DIDO1: variants seen among roughly 807,000 people sequenced by gnomAD.
DIDO1 encodes the protein death inducer-obliterator 1.
Under a neutral mutation model 99.4 loss-of-function variants are expected in DIDO1, and 16 were observed. That is an observed-to-expected ratio of 0.16 (90% CI 0.11 to 0.24). The LOEUF (loss-of-function observed/expected upper bound fraction) is 0.24, where lower values mean the gene tolerates loss of function less well. DIDO1 is among the 10% of genes least tolerant of loss of function. The pLI is 1.00. For synonymous variants in DIDO1, 1,366 were observed against 1,239.1 expected, an observed-to-expected ratio of 1.10 and a Z score of -2.15; for missense variants, 2,996 against 3,014.0, an observed-to-expected ratio of 0.99 and a Z score of 0.14.
At chr20:62,906,507 G>A (rs2064808392) in intron 5 of DIDO1, among the ~76,000 whole-genome samples, 1 of 152,162 alleles carries the variant, frequency 6.6e-6, no homozygotes, top group African/African-American at 2.4e-5. Context: ...CAACGCCGAG[G>A]GTTCAAAAGG....
chr20:62,903,030 G>A (rs1339572570), intron 6 of DIDO1, among the ~76,000 whole-genome samples: 1 of 152,026 alleles, frequency 6.6e-6, no homozygotes, highest in Non-Finnish European at 1.5e-5. Context: ...ATAATGGGAG[G>A]TGAACAGTGG....
At position 62,894,313 on chromosome 20, in the gene DIDO1, G is replaced by C. The variant is rs2064467147; in HGVS notation, c.2572+100C>G. 9 of 1,579,364 alleles carry C rather than the reference G, an allele frequency of 5.7e-6. No homozygotes were observed. Among genetic ancestry groups the C allele is most frequent in the Non-Finnish European group, 7.7e-6 (9 of 1,163,154 alleles). The stretch of plus-strand genomic sequence containing the variant: ...GGAAATCATTCTGGCCCTTCTGCGT[G>C]TTTAAGCTTACGTGCGGTTGCTTTT... On this transcript the variant is annotated intron_variant, in intron 11 of 15. Coordinates refer to ENST00000395343, the MANE Select transcript of DIDO1 (RefSeq NM_001193369.2). This position sits in a 1 kb window ranked among gnomAD's most constrained non-coding sequence, Gnocchi z 4.4.
In DIDO1 at chr20:62,892,931, C is replaced by A; in HGVS notation, c.3133G>T (p.Asp1045Tyr). 6.2e-7 allele frequency: 1 copy of A among 1,613,774 alleles called. No homozygotes were observed. The highest frequency in any genetic ancestry group is 1.7e-5 in the Admixed American group (1 of 60,012). ...AGTCGAGACAAAAAGAGGGTCGTGTCTCCCTCTGGAGGGGAACGTGATTCT... is the reference window on the plus strand; with the variant it reads ...AGTCGAGACAAAAAGAGGGTCGTGTATCCCTCTGGAGGGGAACGTGATTCT... ...TSESRSPPEG[D>Y]TTLFLSRLST... Residue 1045 changes from aspartate to tyrosine, a missense_variant, in exon 13 of 16, where the codon GAC becomes TAC. Transcript: ENST00000395343.
At chr20:62,927,961 A>G (rs2147600856), upstream of DIDO1, among the ~76,000 whole-genome samples, 1 of 152,266 alleles carries the variant, frequency 6.6e-6, no homozygotes, top group African/African-American at 2.4e-5. Context: ...GACGGGGTTG[A>G]GACCACCTTT....
chr20:62,924,139 A>T (rs977317460), intron 1 of DIDO1, among the ~76,000 whole-genome samples: 1 of 152,226 alleles, frequency 6.6e-6, no homozygotes, highest in Non-Finnish European at 1.5e-5. Flanking sequence ...TTTGTAATGC[A>T]ATTAACACAC....
At position 62,911,752 on chromosome 20, in the gene DIDO1, T is replaced by TTA. The variant is rs2064948047; in HGVS notation, c.-2-139_-2-138insTA. 5 of 677,968 alleles carry TTA rather than the reference T, an allele frequency of 7.4e-6. No homozygotes were observed. The highest frequency in any genetic ancestry group is 3.4e-5 in the Admixed American group (1 of 29,038). 42.0% of individuals were successfully genotyped at this position (677,968 alleles called of 1,614,324 possible). A position where few individuals can be genotyped will look rare whatever the true frequency, so the allele number is the denominator to read the frequency against. Reference sequence around the variant, plus strand: ...TAAAGCAAGTCCTTCTGACCAGTGTTTCCTAATGTGTGCTATGTGAGATGA... The same window carrying TTA: ...TAAAGCAAGTCCTTCTGACCAGTGTTTATCCTAATGTGTGCTATGTGAGATGA... On this transcript the variant is annotated intron_variant, in intron 2 of 15. Coordinates refer to ENST00000395343, the MANE Select transcript of DIDO1 (RefSeq NM_001193369.2). This position sits in a 1 kb window ranked among gnomAD's most constrained non-coding sequence, Gnocchi z 7.0.
intron 1 of DIDO1, among the ~76,000 whole-genome samples, chr20:62,921,989 AATAT>A (rs1163282910): frequency 1.3e-5 from 2 of 150,372 alleles, no homozygotes; most frequent in Admixed American, 6.7e-5. Flanking sequence ...ATATGTCCAC[AATAT>A]ATATACACTA....
intron 6 of DIDO1, among the ~76,000 whole-genome samples, chr20:62,900,047 A>G (rs1284622131): frequency 6.6e-6 from 1 of 152,234 alleles, no homozygotes; most frequent in East Asian, 1.9e-4. Flanking sequence ...CAGGCAACCC[A>G]GGAAAAAACC....
chr20:62,884,289 T>C (rs970824677), intron 15 of DIDO1, among the ~76,000 whole-genome samples: 1 of 152,092 alleles, frequency 6.6e-6, no homozygotes, highest in Non-Finnish European at 1.5e-5. Context: ...GTAACGACCA[T>C]CCCCACACTC....
At chr20:62,912,986 C>T (rs1284891847) in intron 2 of DIDO1, among the ~76,000 whole-genome samples, 4 of 152,060 alleles carry the variant, frequency 2.6e-5, no homozygotes, top group African/African-American at 2.4e-5. Flanking sequence ...AAGCCGAGAT[C>T]GCACCACTGC....
chr20:62,893,560 T>C, intron 12 of DIDO1, 106 bp downstream of exon 12: 1 of 1,333,470 alleles, frequency 7.5e-7, no homozygotes, highest in Admixed American at 2.6e-5. Flanking sequence ...TGAAGCTGTA[T>C]TTCAGGTTAC....
chr20:62,926,726 G>C (rs917980313), upstream of DIDO1, among the ~76,000 whole-genome samples: 5 of 152,252 alleles, frequency 3.3e-5, no homozygotes, highest in Non-Finnish European at 5.9e-5. Context: ...GACTCCAAGA[G>C]TGAAAGCTGG....
At chr20:62,923,620 G>A (rs937405834) in intron 1 of DIDO1, among the ~76,000 whole-genome samples, 1 of 152,204 alleles carries the variant, frequency 6.6e-6, no homozygotes, top group African/African-American at 2.4e-5. Flanking sequence ...CAGCTGTAAC[G>A]TGGAGCTTTT....
intron 15 of DIDO1, chr20:62,887,308 ACT>A (rs1321647395): frequency 3.0e-6 from 3 of 985,484 alleles, no homozygotes; most frequent in Admixed American, 6.1e-5. Flanking sequence ...ATGCAAAGCT[ACT>A]GTTACATACA....
chr20:62,922,092 T>C (rs974284635), intron 1 of DIDO1, among the ~76,000 whole-genome samples: 1 of 88,612 alleles, frequency 1.1e-5, no homozygotes, highest in Non-Finnish European at 2.4e-5. Flanking sequence ...ACACACTATA[T>C]ATACACACTA....
rs780447420 is a variant in DIDO1, at chr20:62,890,967, C to T, written c.3534G>A (p.Glu1178=). The change falls in exon 15 of 16, where the codon GAG becomes GAA. Residue 1178 remains glutamate (E), a synonymous_variant. Coordinates refer to ENST00000395343, the MANE Select transcript of DIDO1 (RefSeq NM_001193369.2). ...DPVPSKLLPF[E]GPGLESPRPN... Reference sequence around the variant, plus strand: ...CAGAAAGCCGGCGCTTACCTGGTCCCTCAAAGGGCAAGAGTTTGGATGGAA... The same window carrying T: ...CAGAAAGCCGGCGCTTACCTGGTCCTTCAAAGGGCAAGAGTTTGGATGGAA... The T allele has an allele frequency of 6.2e-7, 1 of 1,613,996 alleles. No homozygotes were observed. Among genetic ancestry groups the T allele is most frequent in the South Asian group, 1.1e-5 (1 of 91,074 alleles).
Position 62,894,496 on chromosome 20 carries a change from A to C in DIDO1, c.2489T>G (p.Leu830Arg). 6.2e-7 allele frequency: 1 copy of C among 1,613,430 alleles called. No individual in the cohort carries two copies. Among genetic ancestry groups the C allele is most frequent in the Non-Finnish European group, 8.5e-7 (1 of 1,180,028 alleles). The change falls in exon 11 of 16, where the codon CTC (leucine) becomes CGC (arginine). Residue 830 changes from leucine (L) to arginine (R), a missense_variant. Transcript: ENST00000395343. The surrounding 1 kb of genome is among the most constrained non-coding windows in gnomAD (Gnocchi z 4.4). ...AVPEKSTAPL[L>R]DVFSSMLKDT... ...TTTCAACATGCTGCTGAAGACGTCGAGAAGCGGCGCTGTGCTCTTCTCAGG... is the reference window on the plus strand; with the variant it reads ...TTTCAACATGCTGCTGAAGACGTCGCGAAGCGGCGCTGTGCTCTTCTCAGG...
chr20:62,887,633 G>T, intron 15 of DIDO1: 7 of 985,530 alleles, frequency 7.1e-6, no homozygotes, highest in Non-Finnish European at 8.4e-6. Context: ...AAATGACGGG[G>T]GCTGGGCATG....
At chr20:62,883,828 A>G (rs1382352148) in intron 15 of DIDO1, among the ~76,000 whole-genome samples, 8 of 152,024 alleles carry the variant, frequency 5.3e-5, no homozygotes, top group Admixed American at 5.2e-4. Context: ...TCTGTCTCAA[A>G]AAAACAAAAC....
Sources: gnomAD v4.1 joint callset for allele counts (sites outside exome capture counted in the v4.1 genomes callset) on GRCh38, gnomAD v4.1.1 for gene constraint, Gnocchi (gnomAD v3.1) non-coding constraint, MANE v1.5 for transcripts, NCBI Gene and HGNC (gene_info 2026-07-23, HGNC 2026-07-21) for gene names.